DLC1: variants seen among roughly 807,000 people sequenced by gnomAD.
The protein encoded by DLC1 is rho GTPase-activating protein 7.
Under a neutral mutation model 140.3 loss-of-function variants are expected in DLC1, and 54 were observed. That is an observed-to-expected ratio of 0.38 (90% confidence interval 0.31 to 0.48). The LOEUF (loss-of-function observed/expected upper bound fraction) is 0.48. Among genes scored for constraint, DLC1 ranks in the 20% least tolerant of loss-of-function variants. The pLI, the probability that DLC1 is intolerant of heterozygous loss-of-function variation, is 0.96. For synonymous variants in DLC1, 986 were observed against 728.1 expected (o/e 1.35, Z -5.70); for missense variants, 2,536 against 1,907.0 (o/e 1.33, Z -6.14).
chr8:13,182,818 C>A (rs1231781227), intron 5 of DLC1, among the ~76,000 whole-genome samples: 1 of 151,974 alleles, frequency 6.6e-6, no homozygotes, highest in Non-Finnish European at 1.5e-5. Context: ...TTTTTTGGTT[C>A]CATGAACTTT....
chr8:13,349,696 A>T (rs1028635202), intron 4 of DLC1, among the ~76,000 whole-genome samples: 51 of 152,346 alleles, frequency 3.3e-4, no homozygotes, highest in African/African-American at 1.2e-3. Flanking sequence ...TTTGTTGCTG[A>T]TGGTGTTGGG....
chr8:13,386,254 C>A (rs575886870), intron 4 of DLC1, among the ~76,000 whole-genome samples: 8 of 152,246 alleles, frequency 5.3e-5, no homozygotes, highest in Admixed American at 3.9e-4. Context: ...CAATTCTAAT[C>A]TATCATTCTT....
chr8:13,556,256 C>T (rs2117369952), intron 1 of DLC1, among the ~76,000 whole-genome samples: 1 of 152,268 alleles, frequency 6.6e-6, no homozygotes, highest in Non-Finnish European at 1.5e-5. Flanking sequence ...CCTCCTAAAA[C>T]ACTCCCAGCA....
chr8:13,214,514 T>C (rs1828097826), intron 5 of DLC1: 1 of 678,102 alleles, frequency 1.5e-6, no homozygotes, highest in Non-Finnish European at 2.6e-6. Flanking sequence ...ACTGGCATAT[T>C]GTCACATCTT....
intron 1 of DLC1, among the ~76,000 whole-genome samples, chr8:13,524,721 A>G (rs1307532543): frequency 1.3e-5 from 2 of 148,224 alleles, no homozygotes; most frequent in Non-Finnish European, 3.0e-5. Flanking sequence ...TTTTTTTTTC[A>G]TCTCTGAGCT....
At chr8:13,193,156 T>A (rs1159751216) in intron 5 of DLC1, among the ~76,000 whole-genome samples, 1 of 152,192 alleles carries the variant, frequency 6.6e-6, no homozygotes, top group Non-Finnish European at 1.5e-5. Context: ...CTGACACCTA[T>A]TGACTGTCAC....
intron 5 of DLC1, among the ~76,000 whole-genome samples, chr8:13,204,875 T>C (rs1395794168): frequency 6.6e-6 from 1 of 152,204 alleles, no homozygotes; most frequent in African/African-American, 2.4e-5. Flanking sequence ...TGCCTTTACA[T>C]ATAACTAAGT....
intron 5 of DLC1, among the ~76,000 whole-genome samples, chr8:13,257,897 A>G (rs1830313214): frequency 6.6e-6 from 1 of 152,212 alleles, no homozygotes; most frequent in South Asian, 2.1e-4. Context: ...ATTTTATCAA[A>G]GCAATGAAAA....
intron 1 of DLC1, among the ~76,000 whole-genome samples, chr8:13,504,458 G>T (rs1801962006): frequency 3.9e-5 from 6 of 152,232 alleles, no homozygotes; most frequent in African/African-American, 1.2e-4. Flanking sequence ...ATTTTTCAAA[G>T]AAAACAATTT....
intron 5 of DLC1, among the ~76,000 whole-genome samples, chr8:13,235,319 A>T (rs1004288633): frequency 2.6e-5 from 4 of 152,092 alleles, no homozygotes; most frequent in Non-Finnish European, 5.9e-5. Flanking sequence ...TGAGATAGTA[A>T]CAACTAAAAG....
chr8:13,319,809 TTCTCTC>T (rs1235407854), intron 4 of DLC1, among the ~76,000 whole-genome samples: 1 of 114,312 alleles, frequency 8.7e-6, no homozygotes, highest in Non-Finnish European at 1.7e-5. Flanking sequence ...CATTGTTTAA[TTCTCTC>T]TCTCTCTTTT....
At chr8:13,518,193 C>G (rs1802652989), upstream of DLC1, among the ~76,000 whole-genome samples, 2 of 150,898 alleles carry the variant, frequency 1.3e-5, no homozygotes, top group African/African-American at 4.9e-5. Flanking sequence ...AAGGCAACCT[C>G]CGCCTCCTAG....
intron 4 of DLC1, among the ~76,000 whole-genome samples, chr8:13,388,889 A>G (rs1836635022): frequency 6.6e-6 from 1 of 151,448 alleles, no homozygotes; most frequent in Admixed American, 6.6e-5. Context: ...GTTCAGTAAA[A>G]CTCTTCTTGT....
intron 4 of DLC1, among the ~76,000 whole-genome samples, chr8:13,357,994 T>C (rs763526788): frequency 6.6e-6 from 1 of 152,214 alleles, no homozygotes. Flanking sequence ...ATTCACTTAA[T>C]TTAAATTTTA....
intron 4 of DLC1, among the ~76,000 whole-genome samples, chr8:13,305,715 T>C (rs373847490): frequency 1.3e-5 from 2 of 152,108 alleles, no homozygotes; most frequent in East Asian, 1.9e-4. Context: ...CATGCACCGG[T>C]AGTCCCAGCT....
chr8:13,570,884 A>G (rs1389147830), intron 1 of DLC1, among the ~76,000 whole-genome samples: 2 of 152,150 alleles, frequency 1.3e-5, no homozygotes, highest in Non-Finnish European at 2.9e-5. Flanking sequence ...CTCATTCTAG[A>G]CTAACCTACC....
At chr8:13,273,714 G>GTA (rs1237940938) in intron 5 of DLC1, among the ~76,000 whole-genome samples, 1 of 146,426 alleles carries the variant, frequency 6.8e-6, no homozygotes, top group Admixed American at 6.8e-5. Context: ...GTGTGTGTGT[G>GTA]TGTGTGTGTG....
At chr8:13,429,148 T>A (rs1441062202) in intron 2 of DLC1, among the ~76,000 whole-genome samples, 1 of 152,234 alleles carries the variant, frequency 6.6e-6, no homozygotes, top group Non-Finnish European at 1.5e-5. Flanking sequence ...AGGTGTGGTT[T>A]ATCAAACACC....
intron 5 of DLC1, among the ~76,000 whole-genome samples, chr8:13,142,778 G>C (rs977838557): frequency 7.2e-5 from 11 of 152,192 alleles, no homozygotes; most frequent in African/African-American, 2.7e-4. Flanking sequence ...TGCCAGGCAA[G>C]GTGGCTCACG....
Sources: gnomAD v4.1 joint callset for allele counts (sites outside exome capture counted in the v4.1 genomes callset) on GRCh38, gnomAD v4.1.1 for gene constraint, MANE v1.5 for transcripts, NCBI Gene and HGNC (gene_info 2026-07-23, HGNC 2026-07-21) for gene names.